The following HERC1 variants were observed in gnomAD, a reference collection of about 807,000 sequenced individuals.
The protein encoded by HERC1 is HECT and RLD domain containing E3 ubiquitin protein ligase family member 1.
In HERC1, 160 loss-of-function variants were observed where a neutral mutation model predicts 554.3. The ratio of observed to expected loss-of-function variants is 0.29; its 90% confidence interval spans 0.25 to 0.33. The LOEUF is 0.33. HERC1 is among the 10% of genes least tolerant of loss of function. The pLI, the probability that HERC1 is intolerant of heterozygous loss-of-function variation, is 1.00. For missense variants in HERC1, 4,919 were observed against 5,918.5 expected (o/e 0.83, Z 5.54); for synonymous variants, 2,175 against 2,131.7 (o/e 1.02, Z -0.56).
chr15:63,777,853 G>A (rs1291734667), intron 1 of HERC1, among the ~76,000 whole-genome samples: 1 of 151,992 alleles, frequency 6.6e-6, no homozygotes, highest in African/African-American at 2.4e-5. Flanking sequence ...AAAAACCTGA[G>A]TCTTTAGTCC....
At position 63,652,409 on chromosome 15, in the gene HERC1, C is replaced by A. The variant is rs1369309516; in HGVS notation, c.10418+5G>T. The A allele has an allele frequency of 6.2e-7, 1 of 1,611,940 alleles. No homozygotes were observed. Among genetic ancestry groups the A allele is most frequent in the South Asian group, 1.1e-5 (1 of 90,780 alleles). On this transcript the variant is annotated splice_donor_5th_base_variant and intron_variant, in intron 52 of 77. Coordinates refer to ENST00000443617, the MANE Select transcript of HERC1 (RefSeq NM_003922.4). ...AAATGGTATACACGTGATGTTAGCA[C>A]TCACAATCTGTTGAACACACAGGTC...
intron 1 of HERC1, among the ~76,000 whole-genome samples, chr15:63,813,663 T>G (rs1399730400): frequency 6.6e-6 from 1 of 152,204 alleles, no homozygotes; most frequent in South Asian, 2.1e-4. Context: ...GAGGAAACTA[T>G]CCATCCCAGT....
At chr15:63,613,954 A>G (rs2067708395) in intron 76 of HERC1, among the ~76,000 whole-genome samples, 1 of 152,238 alleles carries the variant, frequency 6.6e-6, no homozygotes, top group African/African-American at 2.4e-5. Flanking sequence ...ACAAAAACGA[A>G]CAAGCTGTTA....
chr15:63,715,532 A>C (rs1351286048), intron 22 of HERC1, among the ~76,000 whole-genome samples: 1 of 152,188 alleles, frequency 6.6e-6, no homozygotes. Context: ...CCCCCTCAAA[A>C]ATCATTTTTA....
chr15:63,764,681 G>A (rs2075716592), intron 2 of HERC1, among the ~76,000 whole-genome samples: 1 of 152,164 alleles, frequency 6.6e-6, no homozygotes. Flanking sequence ...CAGTGTTACA[G>A]TGTTACAACC....
At position 63,634,748 on chromosome 15, in the gene HERC1, T is replaced by A. The variant is rs764298552; in HGVS notation, c.12555A>T (p.Gly4185=). 1 of 1,612,704 alleles carries A rather than the reference T, an allele frequency of 6.2e-7. No homozygotes were observed. Among genetic ancestry groups the A allele is most frequent in the East Asian group, 2.2e-5 (1 of 44,848 alleles). Residue 4185 remains glycine, a synonymous_variant, in exon 66 of 78, where the codon GGA becomes GGT. Coordinates refer to ENST00000443617, the MANE Select transcript of HERC1 (RefSeq NM_003922.4). ...KLPERVTALE[G]YQIGQVACGL... is the part of the protein sequence containing the mutation. ...TATTCCATGCCTGTCCAATCTGATATCCCTCCAGTGCAGTCACTCTCTCTG... is the reference window on the plus strand; with the variant it reads ...TATTCCATGCCTGTCCAATCTGATAACCCTCCAGTGCAGTCACTCTCTCTG...
At chr15:63,806,975 T>C (rs970920100) in intron 1 of HERC1, among the ~76,000 whole-genome samples, 1 of 152,250 alleles carries the variant, frequency 6.6e-6, no homozygotes, top group African/African-American at 2.4e-5. Flanking sequence ...CTTGAATTCC[T>C]GACCTGGTGA....
chr15:63,808,605 G>T (rs540518686), intron 1 of HERC1, among the ~76,000 whole-genome samples: 4 of 152,098 alleles, frequency 2.6e-5, no homozygotes, highest in African/African-American at 9.7e-5. Context: ...ACTTTTTAAC[G>T]AAAGGATCTT....
intron 1 of HERC1, among the ~76,000 whole-genome samples, chr15:63,801,783 T>C (rs1349501319): frequency 6.6e-6 from 1 of 152,220 alleles, no homozygotes; most frequent in Non-Finnish European, 1.5e-5. Flanking sequence ...CTAGGGATTC[T>C]ATCTGCAGTC....
intron 60 of HERC1, 106 bp from the exon 61 acceptor site, chr15:63,640,551 G>T (rs903308373): frequency 1.1e-6 from 1 of 940,112 alleles, no homozygotes; most frequent in Non-Finnish European, 1.6e-6. Flanking sequence ...CAAGTTTACT[G>T]TTTAAGCTTT....
chr15:63,659,349 T>C (rs1053366658), intron 47 of HERC1, among the ~76,000 whole-genome samples: 12 of 152,108 alleles, frequency 7.9e-5, no homozygotes, highest in African/African-American at 2.9e-4. Context: ...ACTCCTGGGA[T>C]TAAACAATTT....
chr15:63,646,498 T>TAA (rs71287041), intron 55 of HERC1, among the ~76,000 whole-genome samples: 13 of 134,472 alleles, frequency 9.7e-5, no homozygotes, highest in East Asian at 2.1e-4. Context: ...TAGTAGAGGC[T>TAA]AAAAAAAAAA....
intron 1 of HERC1, among the ~76,000 whole-genome samples, chr15:63,807,154 C>T (rs1380890190): frequency 6.6e-6 from 1 of 152,138 alleles, no homozygotes; most frequent in East Asian, 1.9e-4. Flanking sequence ...TAAAATGGGT[C>T]CTGGACTAGG....
intron 22 of HERC1, 157 bp from the exon 23 acceptor site, chr15:63,713,822 A>T: frequency 1.8e-6 from 1 of 569,358 alleles, no homozygotes. Flanking sequence ...AACTTAGTTA[A>T]AATTACATTT....
chr15:63,642,423 T>C (rs748578028), intron 59 of HERC1, among the ~76,000 whole-genome samples: 4 of 152,174 alleles, frequency 2.6e-5, no homozygotes, highest in Non-Finnish European at 4.4e-5. Flanking sequence ...CTGCAACCTC[T>C]GCCTCCTGGG....
chr15:63,710,950 C>T (rs1004929026), intron 24 of HERC1, among the ~76,000 whole-genome samples: 2 of 152,166 alleles, frequency 1.3e-5, no homozygotes, highest in African/African-American at 4.8e-5. Context: ...CTATAGACCC[C>T]TGTAAGGACT....
chr15:63,654,278 G>A lies in HERC1; in HGVS notation c.10131C>T (p.Ser3377=), dbSNP rs749350590. 8 of 1,613,968 alleles carry A rather than the reference G, an allele frequency of 5.0e-6. 1 individual carries two copies. In the East Asian group the frequency reaches 8.9e-5, roughly 18 times the overall value. The change falls in exon 51 of 78, where the codon TCC becomes TCT. Residue 3377 remains serine (S), a synonymous_variant. Coordinates refer to ENST00000443617, the MANE Select transcript of HERC1 (RefSeq NM_003922.4). ...ATTGCCGATGCTGTGAGGACAGCCTGGAGGAGAGGCAGCAGGCTGCCAGGG... is the reference window on the plus strand; with the variant it reads ...ATTGCCGATGCTGTGAGGACAGCCTAGAGGAGAGGCAGCAGGCTGCCAGGG... The part of the protein sequence containing the change: ...ANALAACCLS[S]RLSSQHRQWA...
At chr15:63,620,780 G>C (rs1002901093) in intron 74 of HERC1, among the ~76,000 whole-genome samples, 1 of 152,062 alleles carries the variant, frequency 6.6e-6, no homozygotes, top group Non-Finnish European at 1.5e-5. Flanking sequence ...ATCTTTGTTG[G>C]TTTAAAGTTG....
chr15:63,662,757 T>C (rs2070424578), intron 44 of HERC1, among the ~76,000 whole-genome samples: 1 of 152,208 alleles, frequency 6.6e-6, no homozygotes, highest in Admixed American at 6.5e-5. Context: ...CTATTCATCT[T>C]GTCTGGGGAG....
Sources: allele counts gnomAD v4.1 joint callset (sites outside exome capture counted in the v4.1 genomes callset), GRCh38; gene constraint gnomAD v4.1.1; transcripts MANE v1.5; gene names NCBI Gene and HGNC (gene_info 2026-07-23, HGNC 2026-07-21).